NSD2: variants seen among roughly 807,000 people sequenced by gnomAD.
NSD2 encodes histone-lysine N-methyltransferase NSD2.
A neutral mutation model predicts 139.0 loss-of-function variants in NSD2; 12 were observed. The observed-to-expected ratio is 0.09, with a 90% confidence interval of 0.06 to 0.14. NSD2 has a LOEUF of 0.14. NSD2 is among the 10% of genes least tolerant of loss of function. The pLI, the probability that NSD2 is intolerant of heterozygous loss-of-function variation, is 1.00. For missense variants in NSD2, 1,155 were observed against 1,745.0 expected, an observed-to-expected ratio of 0.66 and a Z score of 6.02; for synonymous variants, 669 against 648.7, an observed-to-expected ratio of 1.03 and a Z score of -0.48.
chr4:1,895,109 A>C (rs1160670935), intron 1 of NSD2, among the ~76,000 whole-genome samples: 1 of 152,248 alleles, frequency 6.6e-6, no homozygotes, highest in African/African-American at 2.4e-5. Flanking sequence ...AGCAGATATC[A>C]GCATTTCCTT....
chr4:1,900,709 A>G lies in NSD2; in HGVS notation c.55A>G (p.Ile19Val), dbSNP rs1464089790. ...TTCTGTTCAGAGTGTTGTAAAGTGC[A>G]TAAAGATGAAGCAGGCACCAGAAAT... ...PLSVQSVVKC[I>V]KMKQAPEILG... The change falls in exon 2 of 22, where the codon ATA becomes GTA. Residue 19 changes from isoleucine (I) to valine (V), a missense_variant. Physicochemically the swap from Ile to Val is conservative, Grantham distance 29. Coordinates refer to ENST00000508803, the MANE Select transcript of NSD2 (RefSeq NM_001042424.3). 10 of 1,613,530 alleles carry G rather than the reference A, an allele frequency of 6.2e-6. No homozygotes were observed. Among genetic ancestry groups the G allele is most frequent in the Non-Finnish European group, 7.6e-6 (9 of 1,179,792 alleles).
At chr4:1,893,359 A>G (rs1404592130) in intron 1 of NSD2, among the ~76,000 whole-genome samples, 1 of 152,132 alleles carries the variant, frequency 6.6e-6, no homozygotes, top group East Asian at 1.9e-4. Context: ...AGTCTCAGCT[A>G]CTCGGGAGGC....
rs1330417201 is a variant in NSD2, at chr4:1,940,726, A to G, written c.1881+948A>G. The G allele has an allele frequency of 8.5e-6, 9 of 1,060,874 alleles. No homozygotes were observed. The East Asian group carries it at 4.1e-4, about 48-fold the overall frequency. The allele number at this position is 1,060,874 out of a possible 1,614,324, so 65.7% of individuals were successfully genotyped here. On this transcript the variant is annotated intron_variant, in intron 9 of 21. Coordinates refer to ENST00000508803, the MANE Select transcript of NSD2 (RefSeq NM_001042424.3). ...TTGGACAGGCCCCTTACTCTTGCTG[A>G]GTCAGAAGGCGGCACTTCTGGCCAG...
chr4:1,932,956 G>A (rs1180358793), intron 6 of NSD2, among the ~76,000 whole-genome samples: 2 of 152,212 alleles, frequency 1.3e-5, no homozygotes, highest in African/African-American at 4.8e-5. Flanking sequence ...ACCTGCCTGA[G>A]GGGGGCCTCG....
chr4:1,966,616 C>T (rs1725914300), intron 18 of NSD2, among the ~76,000 whole-genome samples: 1 of 145,642 alleles, frequency 6.9e-6, no homozygotes, highest in Non-Finnish European at 1.5e-5. Flanking sequence ...AAGATCGTGC[C>T]AGTGCACTCC....
At chr4:1,881,552 C>T (rs1714695036) in intron 1 of NSD2, among the ~76,000 whole-genome samples, 3 of 152,164 alleles carry the variant, frequency 2.0e-5, no homozygotes, top group South Asian at 4.1e-4. Flanking sequence ...CGTGAGCCAC[C>T]GTGCCTGGCT....
At chr4:1,889,424 G>C (rs1242220010) in intron 1 of NSD2, among the ~76,000 whole-genome samples, 2 of 152,022 alleles carry the variant, frequency 1.3e-5, no homozygotes, top group African/African-American at 4.8e-5. Flanking sequence ...TGAACTCCTG[G>C]GCTCAAGCGA....
chr4:1,973,643 C>T lies in NSD2; in HGVS notation c.3373-1220C>T, dbSNP rs1317370517. On this transcript the variant is annotated intron_variant, in intron 18 of 21. Transcript: ENST00000508803. This position sits in a 1 kb window ranked among gnomAD's most constrained non-coding sequence, Gnocchi z 5.5. The stretch of plus-strand genomic sequence containing the variant: ...GTGGGTATGTAGAAAGGACACGGGG[C>T]CAGCGGTCCCAGACAGGGGCACCCT... Among the ~76,000 whole-genome samples the T allele has an allele frequency of 2.0e-5, 3 of 152,366 alleles. No individual in the cohort carries two copies. The South Asian group carries it at 6.2e-4, about 32-fold the overall frequency.
intron 3 of NSD2, among the ~76,000 whole-genome samples, chr4:1,904,712 A>G (rs1448257645): frequency 6.6e-6 from 1 of 152,246 alleles, no homozygotes; most frequent in Non-Finnish European, 1.5e-5. Flanking sequence ...TTTAAGTTGT[A>G]AAAATGTCCA....
At chr4:1,874,661 A>G (rs183539071) in intron 1 of NSD2, among the ~76,000 whole-genome samples, 14 of 152,312 alleles carry the variant, frequency 9.2e-5, no homozygotes, top group Admixed American at 9.2e-4. Flanking sequence ...TCACTCTGAA[A>G]CATTGCAAGT....
intron 12 of NSD2, 50 bp downstream of exon 12, chr4:1,953,574 C>T (rs770157005): frequency 9.6e-5 from 148 of 1,542,000 alleles, no homozygotes; most frequent in South Asian, 4.3e-4. Flanking sequence ...GCAGGCCAGA[C>T]GCAGGCCCAT....
chr4:1,933,359 G>A lies in NSD2; in HGVS notation c.1556-1785G>A, dbSNP rs138700240. ...AGTAGTGAGGCTTGAGGGTGACAGC[G>A]TCCTTCAGGGCAACAGTGTCCTTCT... On this transcript the variant is annotated intron_variant, in intron 6 of 21. Transcript: ENST00000508803. 5.1e-3 allele frequency among the ~76,000 whole-genome samples: 776 copies of A among 152,348 alleles called. 5 individuals carry two copies. The highest frequency in any genetic ancestry group is 0.018 in the African/African-American group (747 of 41,580).
intron 11 of NSD2, chr4:1,952,645 T>C: frequency 1.1e-6 from 1 of 947,364 alleles, no homozygotes. Flanking sequence ...TGGAGTTCTT[T>C]ATGAAGACAC....
In NSD2 at chr4:1,942,257, TGTGATTTAA is replaced by T; in HGVS notation, c.1881+2483_1881+2491del. On this transcript the variant is annotated intron_variant, in intron 9 of 21. Coordinates refer to ENST00000508803, the MANE Select transcript of NSD2 (RefSeq NM_001042424.3). This position sits in a 1 kb window ranked among gnomAD's most constrained non-coding sequence, Gnocchi z 4.0. ...TGACAAAGGCCTGTGAAGGAATTAA[TGTGATTTAA>T]GTGTTTTGTAACTTCATTTTTTATT... 1 of 1,579,060 alleles carries T rather than the reference TGTGATTTAA, an allele frequency of 6.3e-7. No homozygotes were observed. The highest frequency in any genetic ancestry group is 8.6e-7 in the Non-Finnish European group (1 of 1,164,784).
intron 5 of NSD2, 70 bp downstream of exon 5, chr4:1,918,693 A>G (rs1021946990): frequency 7.7e-6 from 12 of 1,566,892 alleles, no homozygotes; most frequent in Non-Finnish European, 1.0e-5. Flanking sequence ...GTGCAGAATC[A>G]TCTGTTTCTC....
chr4:1,890,974 G>C (rs1039968093), intron 1 of NSD2, among the ~76,000 whole-genome samples: 9 of 152,038 alleles, frequency 5.9e-5, no homozygotes, highest in African/African-American at 2.2e-4. Flanking sequence ...GCTCACTGCA[G>C]TCTCCACCTC....
chr4:1,967,569 CTT>C (rs1726015580), intron 18 of NSD2, among the ~76,000 whole-genome samples: 2 of 150,042 alleles, frequency 1.3e-5, no homozygotes, highest in African/African-American at 4.9e-5. Context: ...CAGAGCGAGA[CTT>C]TGTCTCAAAA....
intron 9 of NSD2, among the ~76,000 whole-genome samples, chr4:1,950,741 A>G (rs1239196915): frequency 6.6e-6 from 1 of 152,230 alleles, no homozygotes; most frequent in Non-Finnish European, 1.5e-5. Context: ...TCTTGTTCCA[A>G]AAAGCCTGTC....
chr4:1,974,725 C>T lies in NSD2; in HGVS notation c.3373-138C>T. Reference sequence around the variant, plus strand: ...GGACTGGTTTGGGGGTGTCCTGTCTCAGTGGACACAGGACACCACGGTTTT... The same window carrying T: ...GGACTGGTTTGGGGGTGTCCTGTCTTAGTGGACACAGGACACCACGGTTTT... On this transcript the variant is annotated intron_variant, in intron 18 of 21. Transcript: ENST00000508803. This position sits in a 1 kb window ranked among gnomAD's most constrained non-coding sequence, Gnocchi z 4.0. 1 of 1,226,096 alleles carries T rather than the reference C, an allele frequency of 8.2e-7. No individual in the cohort carries two copies. The highest frequency in any genetic ancestry group is 2.3e-5 in the East Asian group (1 of 42,966). 76.0% of individuals were successfully genotyped at this position (1,226,096 alleles called of 1,614,324 possible). A position where few individuals can be genotyped will look rare whatever the true frequency, so the allele number is the denominator to read the frequency against.
Sources: gnomAD v4.1 joint callset for allele counts (sites outside exome capture counted in the v4.1 genomes callset) on GRCh38, gnomAD v4.1.1 for gene constraint, Gnocchi (gnomAD v3.1) non-coding constraint, MANE v1.5 for transcripts, NCBI Gene and HGNC (gene_info 2026-07-23, HGNC 2026-07-21) for gene names.